The following PHLDB2 variants were observed in gnomAD, a reference collection of about 807,000 sequenced individuals.
PHLDB2 encodes pleckstrin homology-like domain family B member 2.
A neutral mutation model predicts 123.6 loss-of-function variants in PHLDB2; 71 were observed. The ratio of observed to expected loss-of-function variants is 0.57; its 90% CI spans 0.47 to 0.70. The LOEUF is 0.70. Ranked by LOEUF, PHLDB2 falls within the 30% of genes least tolerant of loss-of-function variation. The probability of loss-of-function intolerance (pLI) is 0.00; values close to 1 mark genes in which losing one functional copy is unlikely to be tolerated. For synonymous variants in PHLDB2, 547 were observed against 541.6 expected (o/e 1.01, Z -0.14); for missense variants, 1,446 against 1,519.5 (o/e 0.95, Z 0.80).
At chr3:111,893,226 T>C (rs1359763755) in intron 2 of PHLDB2, among the ~76,000 whole-genome samples, 1 of 151,824 alleles carries the variant, frequency 6.6e-6, no homozygotes, top group Non-Finnish European at 1.5e-5. Flanking sequence ...TTAGTCATAG[T>C]ATTAATCTTT....
At chr3:111,797,094 C>G (rs906813277) in intron 1 of PHLDB2, among the ~76,000 whole-genome samples, 2 of 152,194 alleles carry the variant, frequency 1.3e-5, no homozygotes, top group African/African-American at 4.8e-5. Flanking sequence ...TAAATGTGAT[C>G]TCCTCAAAGA....
intron 1 of PHLDB2, among the ~76,000 whole-genome samples, chr3:111,825,409 TA>T (rs1010154176): frequency 6.6e-6 from 1 of 151,884 alleles, no homozygotes; most frequent in Non-Finnish European, 1.5e-5. Context: ...TACAGTAGAG[TA>T]AAAAAAATAG....
At chr3:111,815,428 A>C (rs1358120857) in intron 1 of PHLDB2, among the ~76,000 whole-genome samples, 1 of 152,194 alleles carries the variant, frequency 6.6e-6, no homozygotes, top group African/African-American at 2.4e-5. Context: ...GCTGATAATG[A>C]TATGGATAAT....
intron 1 of PHLDB2, among the ~76,000 whole-genome samples, chr3:111,882,142 CTTAT>C (rs1462295854): frequency 6.6e-6 from 1 of 152,042 alleles, no homozygotes; most frequent in Admixed American, 6.6e-5. Context: ...TGTATTATAG[CTTAT>C]TTAATTTTTT....
chr3:111,844,820 GA>G (rs1242461106), intron 1 of PHLDB2, among the ~76,000 whole-genome samples: 1 of 152,008 alleles, frequency 6.6e-6, no homozygotes, highest in Non-Finnish European at 1.5e-5. Context: ...ATTTGTTAAA[GA>G]AAAAAATGAC....
At chr3:111,769,807 A>G (rs542313704) in intron 1 of PHLDB2, among the ~76,000 whole-genome samples, 1 of 152,330 alleles carries the variant, frequency 6.6e-6, no homozygotes, top group East Asian at 1.9e-4. Context: ...TAGCTGCTCT[A>G]TTCAGTAAGT....
At chr3:111,814,625 AT>A (rs1170565621) in intron 1 of PHLDB2, among the ~76,000 whole-genome samples, 1 of 129,566 alleles carries the variant, frequency 7.7e-6, no homozygotes, top group East Asian at 2.1e-4. Flanking sequence ...TGAAGTATTT[AT>A]TTAAAAAAAA....
intron 15 of PHLDB2, 61 bp from the exon 16 acceptor site, chr3:111,969,628 TC>T: frequency 7.3e-7 from 1 of 1,365,816 alleles, no homozygotes; most frequent in Middle Eastern, 2.0e-4. Flanking sequence ...CTTCTAAACA[TC>T]TGTGACCTAA....
chr3:111,871,533 A>G (rs1330377083), intron 1 of PHLDB2, among the ~76,000 whole-genome samples: 1 of 151,602 alleles, frequency 6.6e-6, no homozygotes, highest in African/African-American at 2.4e-5. Context: ...CCATGCCTGT[A>G]GTCCCAGCTA....
chr3:111,791,806 C>T (rs770802195), intron 1 of PHLDB2, among the ~76,000 whole-genome samples: 1 of 152,256 alleles, frequency 6.6e-6, no homozygotes, highest in South Asian at 2.1e-4. Flanking sequence ...AAAGATTTGT[C>T]ATTTCTTTGT....
chr3:111,874,612 C>T (rs1033009277), intron 1 of PHLDB2, among the ~76,000 whole-genome samples: 12 of 152,318 alleles, frequency 7.9e-5, no homozygotes, highest in Admixed American at 2.6e-4. Context: ...GACTGCTGCA[C>T]TGACTCATGA....
chr3:111,890,206 G>A (rs2066398546), intron 2 of PHLDB2, among the ~76,000 whole-genome samples: 1 of 152,214 alleles, frequency 6.6e-6, no homozygotes, highest in Non-Finnish European at 1.5e-5. Context: ...AGTCATGGCT[G>A]CCACCAATGG....
intron 1 of PHLDB2, among the ~76,000 whole-genome samples, chr3:111,741,588 A>AGTTCC (rs2059606260): frequency 6.6e-6 from 1 of 152,056 alleles, no homozygotes; most frequent in Non-Finnish European, 1.5e-5. Flanking sequence ...AAAGAATTTT[A>AGTTCC]ATATGAGAAG....
intron 1 of PHLDB2, among the ~76,000 whole-genome samples, chr3:111,874,357 A>G (rs1476066012): frequency 1.3e-5 from 2 of 152,324 alleles, no homozygotes; most frequent in East Asian, 3.9e-4. Flanking sequence ...TAAGCTATGT[A>G]AAGGCAGGAA....
Position 111,962,094 on chromosome 3 carries a change from G to T in PHLDB2, c.2873-14G>T. The T allele has an allele frequency of 6.4e-7, 1 of 1,573,508 alleles. No individual in the cohort carries two copies. The highest frequency in any genetic ancestry group is 8.6e-7 in the Non-Finnish European group (1 of 1,168,196). On this transcript the variant is annotated splice_polypyrimidine_tract_variant and intron_variant, in intron 12 of 17. Coordinates refer to ENST00000431670, the MANE Select transcript of PHLDB2 (RefSeq NM_001134438.2). ...AAATGAGGCAAACTAACATATTTAT[G>T]GCTCCTTCCTTAGGTTATAATCACC...
At chr3:111,785,057 A>G (rs746782107) in intron 1 of PHLDB2, among the ~76,000 whole-genome samples, 4 of 152,196 alleles carry the variant, frequency 2.6e-5, no homozygotes, top group Non-Finnish European at 5.9e-5. Flanking sequence ...ATAAAAATGT[A>G]TAGTTCCATC....
chr3:111,772,266 A>G (rs1266410821), intron 1 of PHLDB2, among the ~76,000 whole-genome samples: 1 of 152,156 alleles, frequency 6.6e-6, no homozygotes, highest in South Asian at 2.1e-4. Flanking sequence ...TTATTTTCCA[A>G]TGTGCCCTTG....
At chr3:111,892,738 G>C (rs2066573586) in intron 2 of PHLDB2, among the ~76,000 whole-genome samples, 2 of 152,070 alleles carry the variant, frequency 1.3e-5, no homozygotes. Context: ...GCTCTCCAAG[G>C]TCGTACAAAA....
chr3:111,903,186 G>T (rs934264913), intron 2 of PHLDB2, among the ~76,000 whole-genome samples: 16 of 152,294 alleles, frequency 1.1e-4, no homozygotes, highest in Middle Eastern at 3.4e-3. Flanking sequence ...CCTTCAGTAA[G>T]GGGGGGACAC....
Sources: gnomAD v4.1 joint callset for allele counts (sites outside exome capture counted in the v4.1 genomes callset) on GRCh38, gnomAD v4.1.1 for gene constraint, MANE v1.5 for transcripts, NCBI Gene and HGNC (gene_info 2026-07-23, HGNC 2026-07-21) for gene names.